Variants in AGFG1 observed in about 807,000 individuals in gnomAD.
AGFG1 encodes the protein arf-GAP domain and FG repeat-containing protein 1.
In AGFG1, 10 loss-of-function variants were observed where a neutral mutation model predicts 60.6. The observed-to-expected ratio is 0.16, with a 90% CI of 0.10 to 0.28. The LOEUF (loss-of-function observed/expected upper bound fraction) is 0.28, where lower values mean the gene tolerates loss of function less well. Among genes scored for constraint, AGFG1 ranks in the 10% least tolerant of loss-of-function variants. AGFG1 has a pLI of 1.00. For synonymous variants in AGFG1, 247 were observed against 242.9 expected (o/e 1.02, Z -0.16); for missense variants, 537 against 676.5 (o/e 0.79, Z 2.29).
intron 1 of AGFG1, among the ~76,000 whole-genome samples, chr2:227,475,496 T>C (rs1441928494): frequency 6.6e-6 from 1 of 152,226 alleles, no homozygotes; most frequent in African/African-American, 2.4e-5. Context: ...GACAATAGCT[T>C]CTGAAGATTT....
intron 2 of AGFG1, among the ~76,000 whole-genome samples, chr2:227,510,379 G>A (rs1433641039): frequency 6.6e-6 from 1 of 152,160 alleles, no homozygotes; most frequent in Non-Finnish European, 1.5e-5. Context: ...CACAGAGGCT[G>A]TATTCAAAAC....
At chr2:227,496,976 G>A (rs1486685054) in intron 2 of AGFG1, among the ~76,000 whole-genome samples, 13 of 152,026 alleles carry the variant, frequency 8.6e-5, no homozygotes, top group African/African-American at 7.3e-5. Context: ...AGTTATTTTA[G>A]TAACAACATA....
At chr2:227,495,514 C>A (rs1426109264) in intron 2 of AGFG1, among the ~76,000 whole-genome samples, 1 of 149,992 alleles carries the variant, frequency 6.7e-6, no homozygotes, top group Non-Finnish European at 1.5e-5. Flanking sequence ...CAACTGCACA[C>A]CAGCCTCGGT....
chr2:227,493,113 G>C (rs900832279), intron 2 of AGFG1, among the ~76,000 whole-genome samples: 3 of 152,130 alleles, frequency 2.0e-5, no homozygotes, highest in African/African-American at 7.2e-5. Context: ...GATAAGGTTA[G>C]GTGGAGACTG....
chr2:227,554,310 A>G, intron 12 of AGFG1, 126 bp from the exon 13 acceptor site: 4 of 770,990 alleles, frequency 5.2e-6, no homozygotes, highest in Non-Finnish European at 6.2e-6. Context: ...ATTATTGCCA[A>G]TAATTTAAAA....
At chr2:227,510,270 G>A (rs1394460658) in intron 2 of AGFG1, among the ~76,000 whole-genome samples, 4 of 151,800 alleles carry the variant, frequency 2.6e-5, no homozygotes, top group Admixed American at 6.6e-5. Flanking sequence ...ACATGCACAC[G>A]CACACACATC....
At chr2:227,487,699 C>G (rs1021688647) in intron 1 of AGFG1, among the ~76,000 whole-genome samples, 7 of 126,928 alleles carry the variant, frequency 5.5e-5, no homozygotes, top group Non-Finnish European at 9.4e-5. Context: ...ATCCCACAAT[C>G]AGTGTTTGAG....
chr2:227,473,950 A>C (rs1690204002), intron 1 of AGFG1, among the ~76,000 whole-genome samples: 1 of 152,192 alleles, frequency 6.6e-6, no homozygotes, highest in African/African-American at 2.4e-5. Context: ...CTTACAGTCC[A>C]GTGGGGATGC....
chr2:227,505,961 C>G (rs1691300754), intron 2 of AGFG1, among the ~76,000 whole-genome samples: 1 of 152,130 alleles, frequency 6.6e-6, no homozygotes, highest in East Asian at 1.9e-4. Context: ...CCAGGCTGGT[C>G]TTGAACTCCT....
At chr2:227,474,026 C>T (rs2106146685) in intron 1 of AGFG1, among the ~76,000 whole-genome samples, 1 of 152,266 alleles carries the variant, frequency 6.6e-6, no homozygotes, top group South Asian at 2.1e-4. Flanking sequence ...TAGGAGAGTG[C>T]TCATGGTTAC....
At chr2:227,509,588 A>C (rs762337568) in intron 2 of AGFG1, among the ~76,000 whole-genome samples, 4 of 152,168 alleles carry the variant, frequency 2.6e-5, no homozygotes, top group Non-Finnish European at 4.4e-5. Context: ...TCACCAATTT[A>C]AATGGTTCAT....
intron 2 of AGFG1, among the ~76,000 whole-genome samples, chr2:227,499,291 T>TA (rs1691076593): frequency 6.6e-6 from 1 of 152,098 alleles, no homozygotes; most frequent in African/African-American, 2.4e-5. Context: ...ATCCAGGTAA[T>TA]ATCCACACAT....
intron 8 of AGFG1, 134 bp from the exon 9 acceptor site, chr2:227,536,491 A>G (rs1692317456): frequency 6.4e-6 from 4 of 627,776 alleles, no homozygotes; most frequent in Non-Finnish European, 8.4e-6. Flanking sequence ...TTACACTTAA[A>G]TGTCTTAATT....
chr2:227,548,824 C>A (rs1324706760), intron 10 of AGFG1, among the ~76,000 whole-genome samples: 1 of 152,104 alleles, frequency 6.6e-6, no homozygotes, highest in African/African-American at 2.4e-5. Flanking sequence ...GTAGTCCCAG[C>A]TACTTGGGAG....
At chr2:227,481,682 G>C (rs905043339) in intron 1 of AGFG1, among the ~76,000 whole-genome samples, 2 of 151,952 alleles carry the variant, frequency 1.3e-5, no homozygotes. Flanking sequence ...ATTTTTGTGG[G>C]CACATAGTAG....
chr2:227,518,035 T>G (rs1269981077), intron 2 of AGFG1, among the ~76,000 whole-genome samples: 2 of 152,212 alleles, frequency 1.3e-5, no homozygotes, highest in African/African-American at 4.8e-5. Flanking sequence ...CATTAAAAAT[T>G]TAAATGAATG....
At chr2:227,480,480 A>G (rs1217055244) in intron 1 of AGFG1, among the ~76,000 whole-genome samples, 2 of 151,712 alleles carry the variant, frequency 1.3e-5, no homozygotes, top group East Asian at 1.9e-4. Context: ...GCTCACTACA[A>G]CTTTCATCTG....
At position 227,551,960 on chromosome 2, in the gene AGFG1, G is replaced by A. The variant is rs1053491791; in HGVS notation, c.1380G>A (p.Ala460=). ...TGATCAGCCCTTCTCTTCTGTCAGC[G>A]GCAACCTTTGGCACTGCATCCATGA... ...PFQTNARGAT[A]ATFGTASMSM... Residue 460 remains alanine (A), a splice_region_variant and synonymous_variant, in exon 11 of 13, where the codon GCG becomes GCA. Coordinates refer to ENST00000310078, the MANE Select transcript of AGFG1 (RefSeq NM_004504.5). 7 of 1,613,486 alleles carry A rather than the reference G, an allele frequency of 4.3e-6. No individual in the cohort carries two copies. In the East Asian group the frequency reaches 6.7e-5, roughly 15 times the overall value.
intron 4 of AGFG1, 66 bp from the exon 5 acceptor site, chr2:227,524,696 A>G: frequency 6.5e-7 from 1 of 1,540,328 alleles, no homozygotes; most frequent in Non-Finnish European, 8.9e-7. Flanking sequence ...AAGTTTGCAG[A>G]TAGTTTTGTA....
Sources: allele counts gnomAD v4.1 joint callset (sites outside exome capture counted in the v4.1 genomes callset), GRCh38; gene constraint gnomAD v4.1.1; transcripts MANE v1.5; gene names NCBI Gene and HGNC (gene_info 2026-07-23, HGNC 2026-07-21).